GRIN2A: variants seen among roughly 807,000 people sequenced by gnomAD.
GRIN2A encodes glutamate receptor ionotropic, NMDA 2A.
A neutral mutation model predicts 113.4 loss-of-function variants in GRIN2A; 22 were observed. The observed-to-expected ratio is 0.19, with a 90% confidence interval of 0.14 to 0.28. The LOEUF is 0.28. Ranked by LOEUF, GRIN2A falls within the 10% of genes least tolerant of loss-of-function variation. GRIN2A has a pLI of 1.00. For missense variants in GRIN2A, 1,502 were observed against 1,887.0 expected (o/e 0.80, Z 3.78); for synonymous variants, 827 against 738.4 (o/e 1.12, Z -1.94).
chr16:9,903,700 C>A (rs781143074), intron 3 of GRIN2A, among the ~76,000 whole-genome samples: 30 of 152,338 alleles, frequency 2.0e-4, no homozygotes, highest in Middle Eastern at 3.4e-3. Context: ...GACGCATCCT[C>A]TTCCAACTCT....
intron 2 of GRIN2A, among the ~76,000 whole-genome samples, chr16:9,952,900 A>G (rs931962517): frequency 6.6e-6 from 1 of 152,220 alleles, no homozygotes; most frequent in African/African-American, 2.4e-5. Flanking sequence ...AGGAGGAAGG[A>G]TGGAGAGACA....
intron 2 of GRIN2A, among the ~76,000 whole-genome samples, chr16:10,165,161 A>G: frequency 6.6e-6 from 1 of 152,306 alleles, no homozygotes; most frequent in South Asian, 2.1e-4. Flanking sequence ...GAAAATCTAA[A>G]TTATCAAGTA....
chr16:9,776,880 T>C (rs1901635493), intron 11 of GRIN2A, among the ~76,000 whole-genome samples: 1 of 152,156 alleles, frequency 6.6e-6, no homozygotes, highest in South Asian at 2.1e-4. Context: ...ATGTTCTCGA[T>C]GACAACAGAC....
chr16:10,104,005 A>G (rs11074576), intron 2 of GRIN2A, among the ~76,000 whole-genome samples: 49,311 of 152,080 alleles, frequency 0.32, 8,340 homozygotes, highest in East Asian at 0.45. Flanking sequence ...TCCTTTTAAC[A>G]AGCTCAGTTT....
chr16:10,023,258 C>G (rs1452754558), intron 2 of GRIN2A, among the ~76,000 whole-genome samples: 10 of 152,202 alleles, frequency 6.6e-5, no homozygotes, highest in Non-Finnish European at 1.3e-4. Flanking sequence ...ACTTCCAAAT[C>G]TGAAATAACT....
chr16:10,079,283 A>G (rs75562646), intron 2 of GRIN2A, among the ~76,000 whole-genome samples: 4,139 of 152,352 alleles, frequency 0.027, 120 homozygotes, highest in South Asian at 0.067. Flanking sequence ...ATAAAGTGCA[A>G]GCTAGAGAAT....
chr16:10,018,412 T>C (rs974496943), intron 2 of GRIN2A, among the ~76,000 whole-genome samples: 2 of 152,058 alleles, frequency 1.3e-5, no homozygotes, highest in South Asian at 2.1e-4. Context: ...ACCACTGCAG[T>C]TGATGTGACA....
intron 3 of GRIN2A, among the ~76,000 whole-genome samples, chr16:9,918,266 C>A (rs2044291157): frequency 6.6e-6 from 1 of 152,170 alleles, no homozygotes; most frequent in African/African-American, 2.4e-5. Context: ...TCCCTATCCA[C>A]AGGGAATATG....
chr16:10,120,830 C>G (rs1234084264), intron 2 of GRIN2A, among the ~76,000 whole-genome samples: 1 of 152,080 alleles, frequency 6.6e-6, no homozygotes, highest in Non-Finnish European at 1.5e-5. Context: ...TTCATATTCT[C>G]TCCCCACTCC....
chr16:9,807,450 A>G (rs2042005471), intron 10 of GRIN2A, among the ~76,000 whole-genome samples: 1 of 151,356 alleles, frequency 6.6e-6, no homozygotes, highest in Admixed American at 6.6e-5. Flanking sequence ...AGACAGAGAG[A>G]GAGAGAAAGA....
intron 2 of GRIN2A, among the ~76,000 whole-genome samples, chr16:10,113,317 C>T (rs1001094631): frequency 3.9e-5 from 6 of 152,180 alleles, no homozygotes; most frequent in African/African-American, 1.4e-4. Context: ...AGCCATGTGG[C>T]ACTTCTGAGC....
At chr16:9,916,301 A>C (rs1363709093) in intron 3 of GRIN2A, among the ~76,000 whole-genome samples, 2 of 152,226 alleles carry the variant, frequency 1.3e-5, no homozygotes, top group Non-Finnish European at 2.9e-5. Context: ...CCCAACAGTC[A>C]AAAGCTTCAT....
intron 2 of GRIN2A, among the ~76,000 whole-genome samples, chr16:9,986,592 G>A (rs537472465): frequency 4.0e-5 from 6 of 151,810 alleles, no homozygotes; most frequent in East Asian, 1.9e-4. Flanking sequence ...GTGAAACCCC[G>A]TCTCTACTAA....
chr16:9,974,256 C>G (rs1174191445), intron 2 of GRIN2A, among the ~76,000 whole-genome samples: 1 of 152,136 alleles, frequency 6.6e-6, no homozygotes, highest in African/African-American at 2.4e-5. Flanking sequence ...GCCTAGGAAC[C>G]AGACCCAAAA....
At position 9,753,737 on chromosome 16, in the gene GRIN2A, A is replaced by G. The variant is rs1013891929; in HGVS notation, c.*9412T>C. On this transcript the variant is annotated 3_prime_UTR_variant, in exon 13 of 13. Transcript: ENST00000330684. ...TGCAGTGGATTAAAACATGACAGAT[A>G]TAAACTGCTGCAGTTGATCAGTGAA... 1.6e-5 allele frequency: 3 copies of G among 190,820 alleles called. No individual in the cohort carries two copies. Among genetic ancestry groups the G allele is most frequent in the Non-Finnish European group, 3.3e-5 (3 of 91,044 alleles). The allele number at this position is 190,820 out of a possible 1,614,324, so 11.8% of individuals were successfully genotyped here.
At chr16:10,056,536 C>T (rs565636955) in intron 2 of GRIN2A, among the ~76,000 whole-genome samples, 87 of 152,286 alleles carry the variant, frequency 5.7e-4, no homozygotes, top group African/African-American at 2.0e-3. Flanking sequence ...CATGCTCACT[C>T]AGAACCTAAT....
At chr16:10,021,214 A>G (rs1382599409) in intron 2 of GRIN2A, among the ~76,000 whole-genome samples, 1 of 152,236 alleles carries the variant, frequency 6.6e-6, no homozygotes, top group African/African-American at 2.4e-5. Flanking sequence ...TAAGGCAGCC[A>G]TGAGACCTAG....
intron 2 of GRIN2A, among the ~76,000 whole-genome samples, chr16:9,981,417 A>C (rs1441774364): frequency 1.3e-5 from 2 of 152,226 alleles, no homozygotes; most frequent in African/African-American, 4.8e-5. Flanking sequence ...TCAAACATAG[A>C]AAACAGAAAA....
intron 3 of GRIN2A, among the ~76,000 whole-genome samples, chr16:9,893,674 C>T (rs1423413462): frequency 3.9e-5 from 6 of 152,270 alleles, no homozygotes; most frequent in Non-Finnish European, 8.8e-5. Context: ...GCCATGTTGA[C>T]CAGGCTGGTC....
Sources: allele counts gnomAD v4.1 joint callset (sites outside exome capture counted in the v4.1 genomes callset), GRCh38; gene constraint gnomAD v4.1.1; transcripts MANE v1.5; gene names NCBI Gene and HGNC (gene_info 2026-07-23, HGNC 2026-07-21).